The following LHFPL3 variants were observed in gnomAD, a reference collection of about 807,000 sequenced individuals.
The protein encoded by LHFPL3 is LHFPL tetraspan subfamily member 3 protein.
Under a neutral mutation model 19.3 loss-of-function variants are expected in LHFPL3, and 5 were observed. The observed-to-expected ratio is 0.26, with a 90% CI of 0.14 to 0.54. LHFPL3 has a LOEUF of 0.54. LHFPL3 is among the 20% of genes least tolerant of loss of function. The pLI, the probability that LHFPL3 is intolerant of heterozygous loss-of-function variation, is 0.94. For missense variants in LHFPL3, 249 were observed against 307.4 expected, an observed-to-expected ratio of 0.81 and a Z score of 1.42; for synonymous variants, 133 against 126.2, an observed-to-expected ratio of 1.05 and a Z score of -0.36.
intron 1 of LHFPL3, among the ~76,000 whole-genome samples, chr7:104,351,799 C>T (rs910870633): frequency 6.6e-6 from 1 of 152,090 alleles, no homozygotes; most frequent in East Asian, 1.9e-4. Flanking sequence ...TATTCTTATA[C>T]CTAGGAATTT....
chr7:104,843,967 G>T (rs1161282969), intron 2 of LHFPL3, among the ~76,000 whole-genome samples: 2 of 152,168 alleles, frequency 1.3e-5, no homozygotes. Context: ...GGAAAAGTGA[G>T]GAACTAACTG....
intron 1 of LHFPL3, among the ~76,000 whole-genome samples, chr7:104,588,555 C>G (rs1790635152): frequency 6.6e-6 from 1 of 152,140 alleles, no homozygotes; most frequent in East Asian, 1.9e-4. Flanking sequence ...TAGCATGATG[C>G]CTCCAGTTTT....
intron 1 of LHFPL3, among the ~76,000 whole-genome samples, chr7:104,728,676 G>C (rs1156679988): frequency 1.3e-5 from 2 of 152,068 alleles, no homozygotes; most frequent in Non-Finnish European, 2.9e-5. Context: ...TGAGCCTTTA[G>C]TTTCTTTCCT....
chr7:104,347,111 C>T (rs1343849707), intron 1 of LHFPL3, among the ~76,000 whole-genome samples: 4 of 151,802 alleles, frequency 2.6e-5, no homozygotes, highest in Non-Finnish European at 4.4e-5. Context: ...CATTGATAAA[C>T]ATTAGGTATT....
At chr7:104,850,783 A>AC (rs930755779) in intron 2 of LHFPL3, among the ~76,000 whole-genome samples, 29 of 151,230 alleles carry the variant, frequency 1.9e-4, no homozygotes, top group Admixed American at 6.6e-4. Flanking sequence ...ATTCTGAGAT[A>AC]CCCCCCCACC....
At chr7:104,579,130 T>C (rs966636014) in intron 1 of LHFPL3, among the ~76,000 whole-genome samples, 4 of 152,248 alleles carry the variant, frequency 2.6e-5, no homozygotes, top group African/African-American at 9.6e-5. Flanking sequence ...AGAGGAAATC[T>C]GTATACTATT....
At chr7:104,834,146 A>C (rs1791044606) in intron 2 of LHFPL3, among the ~76,000 whole-genome samples, 1 of 151,122 alleles carries the variant, frequency 6.6e-6, no homozygotes, top group Non-Finnish European at 1.5e-5. Context: ...CTCCAGATTA[A>C]GGGTGGGTCT....
At chr7:104,594,716 C>T (rs1790804716) in intron 1 of LHFPL3, among the ~76,000 whole-genome samples, 1 of 152,188 alleles carries the variant, frequency 6.6e-6, no homozygotes, top group Non-Finnish European at 1.5e-5. Flanking sequence ...TCCAATATTC[C>T]TTGGAGGCTT....
At position 104,399,863 on chromosome 7, in the gene LHFPL3, C is replaced by A. The variant is rs948424408; in HGVS notation, c.445+70639C>A. On this transcript the variant is annotated intron_variant, in intron 1 of 2. Transcript: ENST00000424859. The surrounding 1 kb of genome is among the most constrained non-coding windows in gnomAD (Gnocchi z 4.4). ...GGGTTGGCTAAAGACTCTGTAAGATCAGGGAGCCGAGGCAGGTGGATCACG... is the reference window on the plus strand; with the variant it reads ...GGGTTGGCTAAAGACTCTGTAAGATAAGGGAGCCGAGGCAGGTGGATCACG... Among the ~76,000 whole-genome samples the A allele has an allele frequency of 2.6e-5, 4 of 151,358 alleles. No individual in the cohort carries two copies. Among genetic ancestry groups the A allele is most frequent in the Admixed American group, 2.6e-4 (4 of 15,180 alleles).
At chr7:104,341,787 A>C (rs1351865105) in intron 1 of LHFPL3, among the ~76,000 whole-genome samples, 1 of 152,116 alleles carries the variant, frequency 6.6e-6, no homozygotes, top group Non-Finnish European at 1.5e-5. Context: ...ACTTCTGAGA[A>C]CTTTGCCTTT....
At chr7:104,868,150 T>G in intron 2 of LHFPL3, among the ~76,000 whole-genome samples, 2 of 152,114 alleles carry the variant, frequency 1.3e-5, no homozygotes, top group Non-Finnish European at 2.9e-5. Flanking sequence ...CGGGAAGCAT[T>G]CCCTTTGAAA....
intron 2 of LHFPL3, among the ~76,000 whole-genome samples, chr7:104,875,289 A>T (rs1431220493): frequency 6.6e-6 from 1 of 152,040 alleles, no homozygotes; most frequent in Non-Finnish European, 1.5e-5. Flanking sequence ...ATGCTCTTCC[A>T]TGTTCCTTTC....
chr7:104,540,813 C>A (rs1346172052), intron 1 of LHFPL3, among the ~76,000 whole-genome samples: 2 of 152,078 alleles, frequency 1.3e-5, no homozygotes, highest in African/African-American at 4.8e-5. Context: ...TAGCCCTGTT[C>A]AATTTAATCA....
At chr7:104,865,288 G>C (rs1241395812) in intron 2 of LHFPL3, among the ~76,000 whole-genome samples, 1 of 152,028 alleles carries the variant, frequency 6.6e-6, no homozygotes, top group Non-Finnish European at 1.5e-5. Flanking sequence ...AGCTAAAGGA[G>C]GAAGTTTGAA....
At chr7:104,481,412 C>T (rs1214981198) in intron 1 of LHFPL3, among the ~76,000 whole-genome samples, 1 of 152,158 alleles carries the variant, frequency 6.6e-6, no homozygotes, top group Admixed American at 6.5e-5. Context: ...ACCATACTCC[C>T]ACTTGTCTTT....
At chr7:104,356,136 G>GA (rs1790270148) in intron 1 of LHFPL3, among the ~76,000 whole-genome samples, 1 of 152,206 alleles carries the variant, frequency 6.6e-6, no homozygotes, top group South Asian at 2.1e-4. Context: ...ATGAAGGCAT[G>GA]AAAAATACAG....
intron 1 of LHFPL3, among the ~76,000 whole-genome samples, chr7:104,344,064 G>C (rs898213867): frequency 6.6e-6 from 1 of 152,100 alleles, no homozygotes; most frequent in African/African-American, 2.4e-5. Flanking sequence ...TTTTTAAATT[G>C]TGAATGTAAG....
chr7:104,698,551 A>G (rs950854633), intron 1 of LHFPL3, among the ~76,000 whole-genome samples: 3 of 152,248 alleles, frequency 2.0e-5, no homozygotes, highest in Admixed American at 2.0e-4. Context: ...TGGGAGAAAT[A>G]TTTCCAAATC....
chr7:104,447,670 C>T (rs1325574437), intron 1 of LHFPL3, among the ~76,000 whole-genome samples: 2 of 152,082 alleles, frequency 1.3e-5, no homozygotes, highest in African/African-American at 4.8e-5. Context: ...GGCTAGGGTT[C>T]TTACCTTTTT....
Sources: allele counts gnomAD v4.1 joint callset (sites outside exome capture counted in the v4.1 genomes callset), GRCh38; gene constraint gnomAD v4.1.1; non-coding constraint Gnocchi (gnomAD v3.1); transcripts MANE v1.5; gene names NCBI Gene and HGNC (gene_info 2026-07-23, HGNC 2026-07-21).